The following POLR2B variants were observed in gnomAD, a reference collection of about 807,000 sequenced individuals.
POLR2B encodes the protein RNA polymerase II subunit B, also known as DNA-directed RNA polymerase II subunit RPB2.
Under a neutral mutation model 144.6 loss-of-function variants are expected in POLR2B, and 57 were observed. The observed-to-expected ratio is 0.39, with a 90% CI of 0.32 to 0.49. POLR2B has a LOEUF of 0.49. Ranked by LOEUF, POLR2B falls within the 20% of genes least tolerant of loss-of-function variation. The probability of loss-of-function intolerance (pLI) is 0.83; values close to 1 mark genes in which losing one functional copy is unlikely to be tolerated. For missense variants in POLR2B, 595 were observed against 1,467.4 expected, an observed-to-expected ratio of 0.41 and a Z score of 9.71; for synonymous variants, 442 against 469.8, an observed-to-expected ratio of 0.94 and a Z score of 0.77.
chr4:56,985,883 A>G (rs1028439588), intron 1 of POLR2B, among the ~76,000 whole-genome samples: 3 of 152,216 alleles, frequency 2.0e-5, no homozygotes, highest in African/African-American at 7.2e-5. Context: ...ATGTGATGAT[A>G]GGAGTGTCAA....
intron 7 of POLR2B, among the ~76,000 whole-genome samples, chr4:57,003,824 C>T (rs540891788): frequency 6.6e-6 from 1 of 150,412 alleles, no homozygotes; most frequent in Non-Finnish European, 1.5e-5. Context: ...GCCTGGGTGA[C>T]AAAGGGAGAC....
chr4:57,003,785 G>T (rs1359490255), intron 7 of POLR2B, among the ~76,000 whole-genome samples: 1 of 151,932 alleles, frequency 6.6e-6, no homozygotes, highest in Non-Finnish European at 1.5e-5. Context: ...AGATGTTGTA[G>T]TAAGCCAAGA....
In POLR2B at chr4:57,025,674, C is replaced by T. The variant is rs574802208; in HGVS notation, c.3239+137C>T. 49 of 595,838 alleles carry T rather than the reference C, an allele frequency of 8.2e-5. No homozygotes were observed. In the South Asian group the frequency reaches 1.1e-3, roughly 13 times the overall value. The allele number at this position is 595,838 out of a possible 1,614,324, so 36.9% of individuals were successfully genotyped here. A position where few individuals can be genotyped will look rare whatever the true frequency, so the allele number is the denominator to read the frequency against. On this transcript the variant is annotated intron_variant, in intron 23 of 24. Coordinates refer to ENST00000314595, the MANE Select transcript of POLR2B (RefSeq NM_000938.3). The stretch of plus-strand genomic sequence containing the variant: ...ATTTCAACAATTATCGACTGATGGC[C>T]AGTCTTGTTGCATTCATCTCTGTCC...
chr4:56,999,071 T>C (rs1722775384), intron 6 of POLR2B, among the ~76,000 whole-genome samples: 1 of 152,074 alleles, frequency 6.6e-6, no homozygotes, highest in Admixed American at 6.6e-5. Flanking sequence ...AGGGAGAAAT[T>C]GGAAAAAAGA....
Position 57,023,171 on chromosome 4 carries a change from A to G in POLR2B, c.2516-159A>G. 1.6e-6 allele frequency: 1 copy of G among 639,118 alleles called. No homozygotes were observed. The highest frequency in any genetic ancestry group is 2.7e-6 in the Non-Finnish European group (1 of 376,610). The allele number at this position is 639,118 out of a possible 1,614,324, so 39.6% of individuals were successfully genotyped here. On this transcript the variant is annotated intron_variant, in intron 18 of 24. Transcript: ENST00000314595. This position sits in a 1 kb window ranked among gnomAD's most constrained non-coding sequence, Gnocchi z 4.3. ...TTTTTTTGTTTTCTGTGTGGGCTGT[A>G]GTATTAGAGTTCAGAATAGTTTGTA...
In POLR2B at chr4:56,994,516, C is replaced by G. The variant is rs770511423; in HGVS notation, c.356C>G (p.Thr119Arg). 1 of 1,560,796 alleles carries G rather than the reference C, an allele frequency of 6.4e-7. No individual in the cohort carries two copies. Among genetic ancestry groups the G allele is most frequent in the Non-Finnish European group, 8.8e-7 (1 of 1,132,258 alleles). The change falls in exon 4 of 25, where the codon ACG (threonine) becomes AGG (arginine). Residue 119 changes from threonine to arginine, a missense_variant and splice_region_variant. Coordinates refer to ENST00000314595, the MANE Select transcript of POLR2B (RefSeq NM_000938.3). ...MPNEARLRNL[T>R]YSAPLYVDIT... is the part of the protein sequence containing the mutation. ...AATGAAGCTAGATTAAGGAATCTCA[C>G]GTAAGAAAGAATTTTTCCTTGTCAG...
chr4:56,991,868 G>A (rs1722517643), intron 3 of POLR2B, among the ~76,000 whole-genome samples: 1 of 152,020 alleles, frequency 6.6e-6, no homozygotes, highest in Non-Finnish European at 1.5e-5. Flanking sequence ...ATGTTGGCCA[G>A]GCCGATCTCC....
rs1184028530 is a variant in POLR2B, at chr4:56,999,645, G to T, written c.764G>T (p.Arg255Leu). 6.2e-7 allele frequency: 1 copy of T among 1,611,528 alleles called. No homozygotes were observed. The highest frequency in any genetic ancestry group is 8.5e-7 in the Non-Finnish European group (1 of 1,178,352). ...QGAKKSAIGQ[R>L]IVATLPYIKQ... ...GCCAAGAAGAGTGCTATTGGTCAGC[G>T]CATTGTGGCAACTCTACCATATATC... The change falls in exon 7 of 25, where the codon CGC becomes CTC. Residue 255 changes from arginine (R) to leucine (L), a missense_variant. Around this residue, in one of 9 missense-constraint regions of POLR2B, gnomAD observed 251 missense variants for 567.3 expected, o/e 0.44. Transcript: ENST00000314595.
intron 13 of POLR2B, among the ~76,000 whole-genome samples, chr4:57,013,732 A>G (rs573599691): frequency 1.3e-5 from 2 of 152,146 alleles, no homozygotes; most frequent in South Asian, 2.1e-4. Context: ...TGTATTATGT[A>G]TTTAGCTCTG....
At chr4:56,982,872 T>G (rs1441932466) in intron 1 of POLR2B, among the ~76,000 whole-genome samples, 2 of 152,210 alleles carry the variant, frequency 1.3e-5, no homozygotes, top group East Asian at 3.9e-4. Flanking sequence ...CCCTCTGTTG[T>G]TGAAACCGAA....
chr4:57,030,109 G>A (rs766490011), intron 23 of POLR2B, 95 bp from the exon 24 acceptor site: 13 of 998,524 alleles, frequency 1.3e-5, no homozygotes, highest in South Asian at 7.1e-5. Flanking sequence ...CTAGTTATCC[G>A]TCTTTGCAAA....
At chr4:56,980,954 A>C (rs1425458397) in intron 1 of POLR2B, among the ~76,000 whole-genome samples, 2 of 151,720 alleles carry the variant, frequency 1.3e-5, no homozygotes, top group Non-Finnish European at 2.9e-5. Flanking sequence ...ACAGGCGTAC[A>C]CCACCGTGCC....
intron 3 of POLR2B, among the ~76,000 whole-genome samples, chr4:56,991,851 G>C (rs1156269848): frequency 6.6e-6 from 1 of 152,070 alleles, no homozygotes; most frequent in Non-Finnish European, 1.5e-5. Flanking sequence ...TAGAGATGGT[G>C]TTTCACATGT....
At chr4:57,002,578 T>G (rs1453796768) in intron 7 of POLR2B, 1 of 152,208 alleles carries the variant, frequency 6.6e-6, no homozygotes, top group Non-Finnish European at 1.5e-5. Context: ...CAGTTTCCTT[T>G]GAAAAATATC....
rs146118669 is a variant in POLR2B at position 56,993,307 on chromosome 4, AAAACAAAACAAAATG to A, written c.244-1083_244-1069del. Among the ~76,000 whole-genome samples, 364 of 152,306 alleles carry A rather than the reference AAAACAAAACAAAATG, an allele frequency of 2.4e-3. 7 individuals are homozygous for A. In the East Asian group the frequency reaches 0.045, roughly 19 times the overall value. ...GACAGAGTGAGACCCTGTCTCAAAC[AAAACAAAACAAAATG>A]AAACAAAACAAAAGAGACTGGAGGA... On this transcript the variant is annotated intron_variant, in intron 3 of 24. Coordinates refer to ENST00000314595, the MANE Select transcript of POLR2B (RefSeq NM_000938.3).
At chr4:56,998,800 C>T (rs1322042507) in intron 6 of POLR2B, among the ~76,000 whole-genome samples, 1 of 152,090 alleles carries the variant, frequency 6.6e-6, no homozygotes, top group Non-Finnish European at 1.5e-5. Context: ...AGAAAAAGAT[C>T]AAGATAAACA....
At chr4:56,997,206 T>C (rs1202024453) in intron 6 of POLR2B, among the ~76,000 whole-genome samples, 1 of 152,052 alleles carries the variant, frequency 6.6e-6, no homozygotes, top group Non-Finnish European at 1.5e-5. Flanking sequence ...TATAACAGTT[T>C]TATAGAAATT....
rs1335090301 is a variant in POLR2B at position 56,979,036 on chromosome 4, G to C, written c.19+32G>C. The C allele has an allele frequency of 4.3e-6, 7 of 1,610,350 alleles. No individual in the cohort carries two copies. In the South Asian group the frequency reaches 4.4e-5, roughly 10 times the overall value. ...GAACGCTCAAAACACACGCCGTGGC[G>C]GTCCATTTAAGCAGGAAAGCGTTGG... On this transcript the variant is annotated intron_variant, in intron 1 of 24. Transcript: ENST00000314595.
chr4:57,026,280 A>G lies in POLR2B; in HGVS notation c.3239+743A>G, dbSNP rs111869934. On this transcript the variant is annotated intron_variant, in intron 23 of 24. Transcript: ENST00000314595. ...ATTTTGTAGAGACGGGGGTCTCACT[A>G]TGTTGCCCAGGCTGGACTTGAACTC... Among the ~76,000 whole-genome samples the G allele has an allele frequency of 4.7e-4, 72 of 151,886 alleles. 1 individual carries two copies. Among genetic ancestry groups the G allele is most frequent in the Non-Finnish European group, 9.0e-4 (61 of 67,908 alleles).
Sources: gnomAD v4.1 joint callset for allele counts (sites outside exome capture counted in the v4.1 genomes callset) on GRCh38, gnomAD v4.1.1 for gene constraint, gnomAD v4.1.1 regional missense constraint, Gnocchi (gnomAD v3.1) non-coding constraint, MANE v1.5 for transcripts, NCBI Gene and HGNC (gene_info 2026-07-23, HGNC 2026-07-21) for gene names.